MYO1E: variants seen among roughly 807,000 people sequenced by gnomAD.
MYO1E encodes the protein myosin IE.
In MYO1E, 68 loss-of-function variants were observed where a neutral mutation model predicts 151.1. The ratio of observed to expected loss-of-function variants is 0.45; its 90% CI spans 0.37 to 0.55. The LOEUF is 0.55. Among genes scored for constraint, MYO1E ranks in the 20% least tolerant of loss-of-function variants. MYO1E has a pLI of 0.00. For missense variants in MYO1E, 1,363 were observed against 1,389.3 expected, an observed-to-expected ratio of 0.98 and a Z score of 0.30; for synonymous variants, 601 against 501.7, an observed-to-expected ratio of 1.20 and a Z score of -2.64.
intron 4 of MYO1E, among the ~76,000 whole-genome samples, chr15:59,240,008 C>T (rs940122408): frequency 6.6e-6 from 1 of 152,196 alleles, no homozygotes; most frequent in Non-Finnish European, 1.5e-5. Flanking sequence ...ATTTACTTTG[C>T]ATCTCACAGC....
At position 59,172,842 on chromosome 15, in the gene MYO1E, G is replaced by A. The variant is rs140246013; in HGVS notation, c.2335-800C>T. Among the ~76,000 whole-genome samples the A allele has an allele frequency of 1.1e-3, 168 of 152,340 alleles. No homozygotes were observed. The East Asian group carries it at 0.025, about 23-fold the overall frequency. On this transcript the variant is annotated intron_variant, in intron 21 of 27. Transcript: ENST00000288235. Reference sequence around the variant, plus strand: ...GGGTAACCACTTTATAATGAGTACCGCTGCGAGAGCTAAGCACCCCTGTGT... The same window carrying A: ...GGGTAACCACTTTATAATGAGTACCACTGCGAGAGCTAAGCACCCCTGTGT...
At chr15:59,284,666 G>A (rs1334380781) in intron 1 of MYO1E, among the ~76,000 whole-genome samples, 9 of 151,118 alleles carry the variant, frequency 6.0e-5, no homozygotes, top group Non-Finnish European at 7.4e-5. Context: ...GTAGAGACAG[G>A]GTCCCACTGT....
intron 1 of MYO1E, among the ~76,000 whole-genome samples, chr15:59,307,712 G>A (rs981702644): frequency 2.6e-5 from 4 of 151,976 alleles, no homozygotes; most frequent in African/African-American, 9.7e-5. Context: ...CAGGGTTCAA[G>A]CCATTCTCCT....
rs778722978 is a variant in MYO1E, at chr15:59,210,607, C to T, written c.1276-7G>A. The T allele has an allele frequency of 2.6e-6, 4 of 1,566,016 alleles. No individual in the cohort carries two copies. The highest frequency in any genetic ancestry group is 1.4e-5 in the African/African-American group (1 of 73,936). Reference sequence around the variant, plus strand: ...CCTCTTGAACATATTCTTCCTGTAACACAGAGACAAGGAACTCACATTATT... The same window carrying T: ...CCTCTTGAACATATTCTTCCTGTAATACAGAGACAAGGAACTCACATTATT... On this transcript the variant is annotated splice_polypyrimidine_tract_variant and splice_region_variant and intron_variant, in intron 12 of 27. Transcript: ENST00000288235.
At chr15:59,258,579 G>A (rs529697465) in intron 3 of MYO1E, among the ~76,000 whole-genome samples, 2 of 152,340 alleles carry the variant, frequency 1.3e-5, no homozygotes, top group South Asian at 4.1e-4. Flanking sequence ...AGCGCTGGGT[G>A]TGATGGCTAA....
At chr15:59,362,025 T>C (rs2080888598) in intron 1 of MYO1E, among the ~76,000 whole-genome samples, 1 of 151,848 alleles carries the variant, frequency 6.6e-6, no homozygotes, top group African/African-American at 2.4e-5. Context: ...TTAATAGAGA[T>C]GGGGTTTCGC....
chr15:59,359,312 TAA>T (rs2080872440), intron 1 of MYO1E, among the ~76,000 whole-genome samples: 1 of 141,280 alleles, frequency 7.1e-6, no homozygotes, highest in Admixed American at 7.1e-5. Flanking sequence ...TATATATATA[TAA>T]TATATATATA....
chr15:59,361,822 T>A (rs114182509), intron 1 of MYO1E, among the ~76,000 whole-genome samples: 2,085 of 152,120 alleles, frequency 0.014, 46 homozygotes, highest in Middle Eastern at 0.037. Context: ...TGGATTTTTT[T>A]AATTAATTTA....
chr15:59,167,536 C>T (rs73420840), intron 22 of MYO1E, among the ~76,000 whole-genome samples: 1,696 of 152,314 alleles, frequency 0.011, 34 homozygotes, highest in African/African-American at 0.039. Context: ...TTCAAAAACC[C>T]AGGCATGGCC....
At chr15:59,360,797 A>C (rs149781428) in intron 1 of MYO1E, among the ~76,000 whole-genome samples, 168 of 152,248 alleles carry the variant, frequency 1.1e-3, no homozygotes, top group African/African-American at 3.9e-3. Context: ...GGTTCAGGGG[A>C]TCAGCCAGAG....
chr15:59,217,274 G>A (rs2079924603), intron 10 of MYO1E, among the ~76,000 whole-genome samples: 1 of 152,094 alleles, frequency 6.6e-6, no homozygotes, highest in Admixed American at 6.5e-5. Flanking sequence ...TAAATCTTTA[G>A]GTCCAAAAGT....
chr15:59,253,021 C>A (rs1309052218), intron 4 of MYO1E, among the ~76,000 whole-genome samples: 2 of 152,178 alleles, frequency 1.3e-5, no homozygotes, highest in African/African-American at 4.8e-5. Flanking sequence ...GCGGTCATGT[C>A]CAAAGGACAT....
chr15:59,169,574 T>C (rs1329426709), intron 22 of MYO1E, among the ~76,000 whole-genome samples: 2 of 152,186 alleles, frequency 1.3e-5, no homozygotes, highest in African/African-American at 2.4e-5. Flanking sequence ...TCTTTTTTTT[T>C]CCTTAGAGTC....
chr15:59,266,940 C>G (rs143427028), intron 2 of MYO1E: 1 of 150,174 alleles, frequency 6.7e-6, no homozygotes, highest in Admixed American at 6.6e-5. Context: ...GGATTACAGG[C>G]GTGAGCCACC....
At position 59,213,629 on chromosome 15, in the gene MYO1E, TTTTA is replaced by T. The variant is rs1235908074; in HGVS notation, c.1275+595_1275+598del. ...TTATGCCACCACGTCCAGCTAATTA[TTTTA>T]TTTTTTTTGTATGGATGGGGTCTCA... is the stretch of plus-strand genomic sequence containing the variant. On this transcript the variant is annotated intron_variant, in intron 12 of 27. Transcript: ENST00000288235. Among the ~76,000 whole-genome samples, 3 of 133,500 alleles carry T rather than the reference TTTTA, an allele frequency of 2.2e-5. No individual in the cohort carries two copies. In the South Asian group the frequency reaches 9.6e-4, roughly 43 times the overall value. The allele number at this position is 133,500 out of a possible 152,430, so 87.6% of individuals were successfully genotyped here. A position where few individuals can be genotyped will look rare whatever the true frequency, so the allele number is the denominator to read the frequency against.
intron 1 of MYO1E, among the ~76,000 whole-genome samples, chr15:59,363,860 C>G (rs2080898793): frequency 6.6e-6 from 1 of 152,188 alleles, no homozygotes. Context: ...ACCACAACCT[C>G]TGCCTCCCAT....
chr15:59,371,896 C>G (rs1311451146), intron 1 of MYO1E, among the ~76,000 whole-genome samples: 7 of 151,052 alleles, frequency 4.6e-5, no homozygotes, highest in Admixed American at 4.6e-4. Context: ...GGTGCTCGCC[C>G]TACCTGGCGC....
intron 4 of MYO1E, among the ~76,000 whole-genome samples, chr15:59,245,825 C>T (rs1485476214): frequency 1.3e-5 from 2 of 152,320 alleles, no homozygotes; most frequent in African/African-American, 4.8e-5. Context: ...ATGCCTCTGG[C>T]CACATTGTCA....
intron 1 of MYO1E, among the ~76,000 whole-genome samples, chr15:59,284,154 C>A (rs2080373439): frequency 6.6e-6 from 1 of 152,214 alleles, no homozygotes; most frequent in African/African-American, 2.4e-5. Flanking sequence ...CATGGGAGTG[C>A]CCAATCTTTA....
Sources: gnomAD v4.1 joint callset for allele counts (sites outside exome capture counted in the v4.1 genomes callset) on GRCh38, gnomAD v4.1.1 for gene constraint, MANE v1.5 for transcripts, NCBI Gene and HGNC (gene_info 2026-07-23, HGNC 2026-07-21) for gene names.